The following RANBP2 variants were observed in gnomAD, a reference collection of about 807,000 sequenced individuals.
RANBP2 encodes RAN binding protein 2, also known as E3 SUMO-protein ligase RanBP2.
Under a neutral mutation model 303.6 loss-of-function variants are expected in RANBP2, and 57 were observed. The observed-to-expected ratio is 0.19, with a 90% CI of 0.15 to 0.23. The LOEUF (loss-of-function observed/expected upper bound fraction) is 0.23. RANBP2 is among the 10% of genes least tolerant of loss of function. The pLI, the probability that RANBP2 is intolerant of heterozygous loss-of-function variation, is 1.00. For missense variants in RANBP2, 3,138 were observed against 3,780.8 expected (o/e 0.83, Z 4.46); for synonymous variants, 1,167 against 1,301.5 (o/e 0.90, Z 2.23).
At chr2:109,669,075 C>T in the RANBP2 span, among the ~76,000 whole-genome samples, 1 of 152,154 alleles carries the variant, frequency 6.6e-6, no homozygotes, top group Non-Finnish European at 1.5e-5. Context: ...TTACAGCTAA[C>T]TCATCTTTGA....
the RANBP2 span, chr2:109,347,664 TTGCTTGCAGAATCCCTGCC>T: frequency 2.5e-5 from 40 of 1,612,418 alleles, no homozygotes; most frequent in Non-Finnish European, 3.1e-5. Flanking sequence ...ATGCTGTCTG[TTGCTTGCAGAATCCCTGCC>T]TGCTTCCCTA....
the RANBP2 span, chr2:108,791,480 G>GCTT: frequency 1.7e-6 from 1 of 604,760 alleles, no homozygotes; most frequent in South Asian, 1.6e-5. Context: ...AGAAAAAGAT[G>GCTT]CTTGTAGTGG....
At chr2:109,630,754 A>G in the RANBP2 span, among the ~76,000 whole-genome samples, 1 of 152,228 alleles carries the variant, frequency 6.6e-6, no homozygotes, top group African/African-American at 2.4e-5. Flanking sequence ...AGGGATGGAT[A>G]GTATGAGTAT....
At chr2:109,356,680 A>C in the RANBP2 span, among the ~76,000 whole-genome samples, 4 of 152,136 alleles carry the variant, frequency 2.6e-5, no homozygotes, top group Admixed American at 2.6e-4. Context: ...GCTGAACACT[A>C]GTAGTGATGG....
the RANBP2 span, among the ~76,000 whole-genome samples, chr2:109,233,943 C>G: frequency 6.6e-6 from 1 of 152,204 alleles, no homozygotes; most frequent in East Asian, 1.9e-4. Context: ...GTTTGCATAT[C>G]CATTTAACAC....
At chr2:109,390,141 G>A in the RANBP2 span, among the ~76,000 whole-genome samples, 2 of 152,342 alleles carry the variant, frequency 1.3e-5, no homozygotes, top group South Asian at 4.1e-4. Context: ...GCTGCCAAGG[G>A]TCTGAGGTCT....
chr2:109,449,360 A>G, the RANBP2 span: 1 of 1,609,122 alleles, frequency 6.2e-7, no homozygotes, highest in African/African-American at 1.3e-5. Context: ...CAGCAGCATC[A>G]GCCATCACAC....
the RANBP2 span, among the ~76,000 whole-genome samples, chr2:109,466,759 A>G: frequency 2.6e-5 from 4 of 152,040 alleles, no homozygotes; most frequent in Admixed American, 2.0e-4. Flanking sequence ...TTGTGTGTCT[A>G]TATCTGTGTG....
chr2:109,465,904 G>A, the RANBP2 span, among the ~76,000 whole-genome samples: 12 of 151,942 alleles, frequency 7.9e-5, no homozygotes, highest in Non-Finnish European at 1.6e-4. Flanking sequence ...CTGCTTCCAC[G>A]ACCATTCACC....
At chr2:109,060,526 C>T in the RANBP2 span, among the ~76,000 whole-genome samples, 1 of 152,232 alleles carries the variant, frequency 6.6e-6, no homozygotes, top group African/African-American at 2.4e-5. Context: ...GCTTTTGTCT[C>T]TCTATAGCGT....
At chr2:109,004,045 G>A in the RANBP2 span, among the ~76,000 whole-genome samples, 1 of 152,200 alleles carries the variant, frequency 6.6e-6, no homozygotes, top group East Asian at 1.9e-4. Flanking sequence ...GACAAAGAGT[G>A]AATGGGAGAT....
At chr2:109,270,024 C>T in the RANBP2 span, among the ~76,000 whole-genome samples, 8 of 152,166 alleles carry the variant, frequency 5.3e-5, no homozygotes, top group South Asian at 2.1e-4. Context: ...TAATAGATTG[C>T]GATTGAAGCC....
chr2:109,606,672 CTTTTTTTTTTTT>C, the RANBP2 span, among the ~76,000 whole-genome samples: 1 of 71,896 alleles, frequency 1.4e-5, no homozygotes, highest in Non-Finnish European at 2.4e-5. Context: ...AAATTTTAAG[CTTTTTTTTTTTT>C]TTTTTTTTTT....
chr2:109,170,987 A>G, the RANBP2 span, among the ~76,000 whole-genome samples: 2 of 152,098 alleles, frequency 1.3e-5, no homozygotes, highest in Non-Finnish European at 2.9e-5. Context: ...GGCGCTCCCC[A>G]CAGGAACCAA....
chr2:109,545,417 C>T, the RANBP2 span: 1 of 1,536,018 alleles, frequency 6.5e-7, no homozygotes, highest in South Asian at 1.2e-5. Context: ...TTATCATCCA[C>T]ATGCTACTCA....
the RANBP2 span, among the ~76,000 whole-genome samples, chr2:109,587,736 A>G: frequency 6.6e-6 from 1 of 152,022 alleles, no homozygotes; most frequent in Admixed American, 6.6e-5. Context: ...ACACGGTGAA[A>G]CCCTGTGTCT....
intron 1 of RANBP2, 40 bp downstream of exon 1, chr2:108,719,718 C>G: frequency 6.4e-7 from 1 of 1,560,446 alleles, no homozygotes; most frequent in East Asian, 2.4e-5. Flanking sequence ...TCGACCTGGC[C>G]GGGCGGCGGC....
chr2:109,183,255 A>C, the RANBP2 span, among the ~76,000 whole-genome samples: 1 of 152,196 alleles, frequency 6.6e-6, no homozygotes, highest in African/African-American at 2.4e-5. Context: ...TGAGATGACT[A>C]TCAGTTGAGT....
At chr2:108,782,089 T>G (rs1678292999) in intron 26 of RANBP2, 39 bp from the exon 27 acceptor site, 1 of 1,599,774 alleles carries the variant, frequency 6.3e-7, no homozygotes, top group African/African-American at 1.3e-5. Flanking sequence ...GAATTTATTA[T>G]AAGCAGCAGC....
Sources: allele counts gnomAD v4.1 joint callset (sites outside exome capture counted in the v4.1 genomes callset), GRCh38; gene constraint gnomAD v4.1.1; transcripts MANE v1.5; gene names NCBI Gene and HGNC (gene_info 2026-07-23, HGNC 2026-07-21).